PKD1L1: variants seen among roughly 807,000 people sequenced by gnomAD.
The protein encoded by PKD1L1 is polycystin 1 like 1, transient receptor potential channel interacting.
PKD1L1 carries 236 observed loss-of-function variants against 323.4 expected under a neutral mutation model. The observed-to-expected ratio is 0.73, with a 90% CI of 0.66 to 0.81. The LOEUF (loss-of-function observed/expected upper bound fraction) is 0.81, where lower values mean the gene tolerates loss of function less well. Among genes scored for constraint, PKD1L1 ranks in the 40% least tolerant of loss-of-function variants. PKD1L1 has a pLI of 0.00. For synonymous variants in PKD1L1, 1,344 were observed against 1,335.0 expected (o/e 1.01, Z -0.15); for missense variants, 3,320 against 3,508.0 (o/e 0.95, Z 1.35).
In PKD1L1 at chr7:47,818,269, T is replaced by C. The variant is rs1336017322; in HGVS notation, c.6965+2807A>G. 2.5e-6 allele frequency: 3 copies of C among 1,179,134 alleles called. No homozygotes were observed. The African/African-American group carries it at 4.8e-5, about 19-fold the overall frequency. 73.0% of individuals were successfully genotyped at this position (1,179,134 alleles called of 1,614,324 possible). On this transcript the variant is annotated intron_variant, in intron 46 of 56. Coordinates refer to ENST00000289672, the MANE Select transcript of PKD1L1 (RefSeq NM_138295.5). ...TGAGCCAGGGGGCACAGAGATGCAG[T>C]GAAAAGGGCGGGAGGGTAGGAAAGA...
At chr7:47,957,751 C>G in the PKD1L1 span, among the ~76,000 whole-genome samples, 1 of 151,706 alleles carries the variant, frequency 6.6e-6, no homozygotes, top group African/African-American at 2.4e-5. Context: ...CTGCCTTGGC[C>G]TCCCAAAGTG....
chr7:47,960,391 A>C, the PKD1L1 span, among the ~76,000 whole-genome samples: 1 of 125,118 alleles, frequency 8.0e-6, no homozygotes, highest in African/African-American at 2.7e-5. Context: ...AAAAAAAAAA[A>C]AAACTGTAAA....
chr7:47,897,955 T>C (rs1786993900), intron 14 of PKD1L1, 33 bp downstream of exon 14: 2 of 1,520,938 alleles, frequency 1.3e-6, no homozygotes, highest in Admixed American at 2.0e-5. Flanking sequence ...TGGGTTTCAT[T>C]GGGCCAGTAG....
At chr7:47,799,069 C>T (rs1168663740) in intron 54 of PKD1L1, among the ~76,000 whole-genome samples, 1 of 152,206 alleles carries the variant, frequency 6.6e-6, no homozygotes, top group Non-Finnish European at 1.5e-5. Context: ...GGACTGTGAG[C>T]TCCCTGAGGC....
At chr7:47,801,480 T>C (rs1784660920) in intron 53 of PKD1L1, among the ~76,000 whole-genome samples, 1 of 152,138 alleles carries the variant, frequency 6.6e-6, no homozygotes, top group African/African-American at 2.4e-5. Context: ...GACAAGTATT[T>C]TTTCAGCCTG....
At chr7:47,880,626 C>T (rs112196795) in intron 21 of PKD1L1, 102 bp downstream of exon 21, 992 of 818,814 alleles carry the variant, frequency 1.2e-3, no homozygotes, top group Admixed American at 2.5e-3. Flanking sequence ...TTAGCCTTTA[C>T]GCTGATGTAG....
intron 4 of PKD1L1, among the ~76,000 whole-genome samples, chr7:47,934,985 A>G (rs1787840450): frequency 6.6e-6 from 1 of 152,174 alleles, no homozygotes; most frequent in Admixed American, 6.5e-5. Context: ...GGTGGAGTCA[A>G]TGAGCTCCCG....
intron 56 of PKD1L1, among the ~76,000 whole-genome samples, chr7:47,782,328 CA>C (rs909465793): frequency 4.6e-5 from 7 of 150,720 alleles, no homozygotes; most frequent in African/African-American, 9.7e-5. Context: ...GGATGTTGGT[CA>C]AAAAAAAACC....
chr7:47,936,768 A>G, intron 4 of PKD1L1, 78 bp downstream of exon 4: 1 of 1,154,998 alleles, frequency 8.7e-7, no homozygotes, highest in Non-Finnish European at 1.3e-6. Context: ...CGACTTTCAC[A>G]TCTGAGCAAT....
chr7:47,932,905 C>A (rs1299142121), intron 4 of PKD1L1, among the ~76,000 whole-genome samples: 1 of 152,156 alleles, frequency 6.6e-6, no homozygotes, highest in Non-Finnish European at 1.5e-5. Context: ...GGTGGAGGCA[C>A]GTTGGAGGAC....
chr7:47,847,973 G>GA (rs11424807), intron 31 of PKD1L1, among the ~76,000 whole-genome samples: 23,816 of 151,790 alleles, frequency 0.16, 2,289 homozygotes, highest in African/African-American at 0.27. Flanking sequence ...ACAATTCACA[G>GA]AAAAAAAGTG....
chr7:47,873,939 G>A lies in PKD1L1; in HGVS notation c.3856C>T (p.Leu1286=), dbSNP rs899256234. The A allele has an allele frequency of 6.2e-7, 1 of 1,614,074 alleles. No individual in the cohort carries two copies. Among genetic ancestry groups the A allele is most frequent in the Non-Finnish European group, 8.5e-7 (1 of 1,179,982 alleles). ...CAGTCATTTCCATGGTAGCGGGGCA[G>A]CACAGTCACCACCACAGTGCACGGC... ...VQPCTVVVTV[L]PRYHGNDCLG... Residue 1286 remains leucine, a synonymous_variant, in exon 24 of 57, where the codon CTG becomes TTG. Transcript: ENST00000289672.
chr7:47,929,490 G>A lies in PKD1L1; in HGVS notation c.774C>T (p.Pro258=), dbSNP rs1202510628. 6.2e-7 allele frequency: 1 copy of A among 1,613,986 alleles called. No homozygotes were observed. The highest frequency in any genetic ancestry group is 1.7e-5 in the Admixed American group (1 of 60,014). Residue 258 remains proline (P), a synonymous_variant, in exon 7 of 57, where the codon CCC becomes CCT. Coordinates refer to ENST00000289672, the MANE Select transcript of PKD1L1 (RefSeq NM_138295.5). The part of the protein sequence containing the change: ...HGLPPGIPRT[P]SFTASQSGSE... Reference sequence around the variant, plus strand: ...AACCAGACTGCGATGCCGTGAAGCTGGGGGTGCGAGGAATGCCAGGCGGAA... The same window carrying A: ...AACCAGACTGCGATGCCGTGAAGCTAGGGGTGCGAGGAATGCCAGGCGGAA...
At chr7:47,837,536 T>C (rs1179893965) in intron 36 of PKD1L1, among the ~76,000 whole-genome samples, 1 of 152,136 alleles carries the variant, frequency 6.6e-6, no homozygotes, top group Non-Finnish European at 1.5e-5. Context: ...CAGGAGACCT[T>C]CTCTCCAGAG....
the PKD1L1 span, among the ~76,000 whole-genome samples, chr7:47,960,223 C>T: frequency 1.1e-4 from 17 of 149,974 alleles, no homozygotes; most frequent in Middle Eastern, 3.4e-3. Flanking sequence ...CCCAGGGACA[C>T]AAACACTGCG....
chr7:47,903,103 C>A (rs578125277), intron 12 of PKD1L1, among the ~76,000 whole-genome samples: 1 of 152,162 alleles, frequency 6.6e-6, no homozygotes, highest in South Asian at 2.1e-4. Flanking sequence ...CCTGACCCAG[C>A]AGGTAGTGCT....
At chr7:47,856,455 T>C (rs147215728) in intron 28 of PKD1L1, among the ~76,000 whole-genome samples, 1 of 152,362 alleles carries the variant, frequency 6.6e-6, no homozygotes, top group Non-Finnish European at 1.5e-5. Flanking sequence ...ACATTTCTAT[T>C]TGAGTTATAA....
chr7:47,892,924 G>T (rs1442363902), intron 15 of PKD1L1, among the ~76,000 whole-genome samples: 3 of 152,116 alleles, frequency 2.0e-5, no homozygotes, highest in Non-Finnish European at 4.4e-5. Context: ...AAAAGTAAAA[G>T]ATGCTGGTAA....
rs559694002 is a variant in PKD1L1 at position 47,792,370 on chromosome 7, T to C, written c.8526+257A>G. 2.0e-5 allele frequency among the ~76,000 whole-genome samples: 3 copies of C among 152,304 alleles called. No homozygotes were observed. In the East Asian group the frequency reaches 5.8e-4, roughly 29 times the overall value. On this transcript the variant is annotated intron_variant, in intron 56 of 56. Coordinates refer to ENST00000289672, the MANE Select transcript of PKD1L1 (RefSeq NM_138295.5). ...CCATTTCTGTTTCTCAGTCTCCTTG[T>C]TGATTTCAGTTGTAATCAGAAATAA...
Sources: allele counts gnomAD v4.1 joint callset (sites outside exome capture counted in the v4.1 genomes callset), GRCh38; gene constraint gnomAD v4.1.1; transcripts MANE v1.5; gene names NCBI Gene and HGNC (gene_info 2026-07-23, HGNC 2026-07-21).